The following ACAD10 variants were observed in gnomAD, a reference collection of about 807,000 sequenced individuals.
ACAD10 encodes the protein acyl-CoA dehydrogenase family member 10, also known as ACAD-10.
ACAD10 carries 112 observed loss-of-function variants against 116.8 expected under a neutral mutation model. The observed-to-expected ratio is 0.96, with a 90% CI of 0.82 to 1.12. The LOEUF (loss-of-function observed/expected upper bound fraction) is 1.12, where lower values mean the gene tolerates loss of function less well. Among genes scored for constraint, ACAD10 ranks in the 50% most tolerant of loss-of-function variants. ACAD10 has a pLI of 0.00. For synonymous variants in ACAD10, 486 were observed against 510.6 expected, an observed-to-expected ratio of 0.95 and a Z score of 0.65; for missense variants, 1,259 against 1,350.2, an observed-to-expected ratio of 0.93 and a Z score of 1.06.
chr12:111,756,655 C>A lies in ACAD10; in HGVS notation c.*182C>A, dbSNP rs1367863292. 1 of 1,039,338 alleles carries A rather than the reference C, an allele frequency of 9.6e-7. No individual in the cohort carries two copies. The highest frequency in any genetic ancestry group is 1.4e-6 in the Non-Finnish European group (1 of 695,432). The allele number at this position is 1,039,338 out of a possible 1,614,324, so 64.4% of individuals were successfully genotyped here. ...CCACAGAAGACGTCTCTGCAAGAAG[C>A]CTGGAGTCTGTTTCAGGCCAGGAGG... On this transcript the variant is annotated 3_prime_UTR_variant, in exon 21 of 21. Coordinates refer to ENST00000313698, the MANE Select transcript of ACAD10 (RefSeq NM_025247.6).
intron 9 of ACAD10, among the ~76,000 whole-genome samples, chr12:111,728,817 G>A (rs917943552): frequency 6.6e-6 from 1 of 152,092 alleles, no homozygotes; most frequent in Non-Finnish European, 1.5e-5. Context: ...TCCCTCTTGA[G>A]TAGCTGGGAC....
chr12:111,751,604 G>C (rs1008177539), intron 18 of ACAD10, among the ~76,000 whole-genome samples: 1 of 152,108 alleles, frequency 6.6e-6, no homozygotes, highest in African/African-American at 2.4e-5. Context: ...GGTGGCACAT[G>C]CCTGTAATCC....
At chr12:111,737,135 A>G (rs1441555777) in intron 12 of ACAD10, 131 bp downstream of exon 12, 13 of 660,596 alleles carry the variant, frequency 2.0e-5, no homozygotes, top group Non-Finnish European at 2.9e-5. Flanking sequence ...TCTGAGGTTC[A>G]GTTAATCTAA....
chr12:111,697,423 T>C (rs1888219764), intron 2 of ACAD10, among the ~76,000 whole-genome samples: 1 of 148,990 alleles, frequency 6.7e-6, no homozygotes, highest in African/African-American at 2.5e-5. Context: ...TGCAGTGGCG[T>C]GATCTTGGCT....
intron 7 of ACAD10, 36 bp downstream of exon 7, chr12:111,715,998 A>G (rs1371377252): frequency 3.1e-6 from 5 of 1,613,120 alleles, no homozygotes; most frequent in Non-Finnish European, 4.2e-6. Flanking sequence ...CTTGCCCACT[A>G]GCCTCCACTG....
chr12:111,738,874 A>C (rs1393716023), intron 12 of ACAD10, among the ~76,000 whole-genome samples: 2 of 152,058 alleles, frequency 1.3e-5, no homozygotes, highest in African/African-American at 2.4e-5. Flanking sequence ...CTGTCCCCCC[A>C]AAAATAAAAA....
chr12:111,692,085 C>G (rs1006143909), intron 1 of ACAD10, among the ~76,000 whole-genome samples: 66 of 152,198 alleles, frequency 4.3e-4, no homozygotes, highest in African/African-American at 1.5e-3. Context: ...TCTCCTGCCT[C>G]AGCCTCCTGA....
At chr12:111,725,100 CATTT>C (rs1889175062) in intron 8 of ACAD10, among the ~76,000 whole-genome samples, 2 of 152,266 alleles carry the variant, frequency 1.3e-5, no homozygotes, top group South Asian at 4.1e-4. Context: ...CATTTTGCCA[CATTT>C]ATTTTCTGTA....
intron 1 of ACAD10, among the ~76,000 whole-genome samples, chr12:111,692,262 C>T (rs1450324638): frequency 6.6e-6 from 1 of 152,186 alleles, no homozygotes; most frequent in African/African-American, 2.4e-5. Flanking sequence ...GCCACCACAC[C>T]TGGCCCAGAT....
chr12:111,725,267 G>A (rs912114244), intron 8 of ACAD10, among the ~76,000 whole-genome samples: 19 of 152,242 alleles, frequency 1.2e-4, no homozygotes, highest in Middle Eastern at 6.8e-3. Context: ...CAGCACTTAA[G>A]GAGGCTGAGG....
In ACAD10 at chr12:111,712,653, C is replaced by G; in HGVS notation, c.846C>G (p.Thr282=). 6.2e-7 allele frequency: 1 copy of G among 1,613,876 alleles called. No homozygotes were observed. Among genetic ancestry groups the G allele is most frequent in the Non-Finnish European group, 8.5e-7 (1 of 1,179,928 alleles). ...TCAAAGACTTACTGGGTATCCAGAC[C>G]ACAGGTATGTGGGCTTCTTTCATGT... ...KYLKDLLGIQ[T]TGPLELLQFD... Residue 282 remains threonine, a synonymous_variant, in exon 6 of 21, where the codon ACC becomes ACG. Coordinates refer to ENST00000313698, the MANE Select transcript of ACAD10 (RefSeq NM_025247.6).
rs367626211 is a variant in ACAD10 at position 111,755,850 on chromosome 12, G to C, written c.3039+105G>C. The C allele has an allele frequency of 5.7e-5, 65 of 1,147,952 alleles. No homozygotes were observed. In the South Asian group the frequency reaches 7.0e-4, roughly 12 times the overall value. The allele number at this position is 1,147,952 out of a possible 1,614,324, so 71.1% of individuals were successfully genotyped here. On this transcript the variant is annotated intron_variant, in intron 20 of 20. Transcript: ENST00000313698. ...TCCCATAGACCCTGGCAGATGCCCTGTGTCACCCACTCACCATGCATGCAA... is the reference window on the plus strand; with the variant it reads ...TCCCATAGACCCTGGCAGATGCCCTCTGTCACCCACTCACCATGCATGCAA...
chr12:111,747,130 C>T lies in ACAD10; in HGVS notation c.2338C>T (p.Leu780=). The T allele has an allele frequency of 6.2e-7, 1 of 1,613,436 alleles. No individual in the cohort carries two copies. The highest frequency in any genetic ancestry group is 8.5e-7 in the Non-Finnish European group (1 of 1,179,522). ...YGTEAQKARW[L]IPLLEGKARS... is the part of the protein sequence containing the mutation. ...CACCGAAGCGCAGAAGGCTCGCTGG[C>T]TGATTCCTCTGCTGGAGGGGAAAGC... The change falls in exon 15 of 21, where the codon CTG becomes TTG. Residue 780 remains leucine (L), a synonymous_variant. Transcript: ENST00000313698.
intron 3 of ACAD10, among the ~76,000 whole-genome samples, chr12:111,704,448 C>G (rs1266033530): frequency 6.6e-6 from 1 of 151,176 alleles, no homozygotes; most frequent in Admixed American, 6.6e-5. Context: ...CTGGTTTGCT[C>G]TTTAGAGTAA....
intron 2 of ACAD10, among the ~76,000 whole-genome samples, chr12:111,694,382 T>G (rs1271889575): frequency 2.0e-5 from 3 of 152,134 alleles, no homozygotes; most frequent in African/African-American, 7.2e-5. Context: ...TGCAGATAGC[T>G]GAATCTGTTC....
chr12:111,730,908 T>A (rs1355429065), intron 10 of ACAD10, among the ~76,000 whole-genome samples: 2 of 152,048 alleles, frequency 1.3e-5, no homozygotes, highest in Admixed American at 1.3e-4. Flanking sequence ...TGCACCACCA[T>A]GTGTGGCTAA....
chr12:111,720,794 T>TG (rs1888993858), intron 7 of ACAD10, among the ~76,000 whole-genome samples: 1 of 150,928 alleles, frequency 6.6e-6, no homozygotes, highest in African/African-American at 2.4e-5. Flanking sequence ...TTTATTTTAT[T>TG]TTTTTTTGAG....
chr12:111,750,241 G>A (rs759315938), intron 18 of ACAD10, among the ~76,000 whole-genome samples: 22 of 151,034 alleles, frequency 1.5e-4, no homozygotes, highest in South Asian at 1.1e-3. Context: ...ACAGGCACCC[G>A]CCACCATGCC....
Position 111,755,705 on chromosome 12 carries a change from C to G in ACAD10, c.2999C>G (p.Ala1000Gly), listed in dbSNP as rs867008437. The G allele has an allele frequency of 2.5e-6, 4 of 1,613,744 alleles. No individual in the cohort carries two copies. In the African/African-American group the frequency reaches 5.3e-5, roughly 22 times the overall value. The change falls in exon 20 of 21, where the codon GCC (alanine) becomes GGC (glycine). Residue 1000 changes from alanine to glycine, a missense_variant. Coordinates refer to ENST00000313698, the MANE Select transcript of ACAD10 (RefSeq NM_025247.6). ...ALDIAMIKMVAPSMASRVIDR... is the reference protein window; with the variant it reads ...ALDIAMIKMVGPSMASRVIDR... The stretch of plus-strand genomic sequence containing the variant: ...GATATAGCCATGATTAAAATGGTCG[C>G]CCCGTCCATGGCCTCCCGAGTGATT...
Sources: allele counts gnomAD v4.1 joint callset (sites outside exome capture counted in the v4.1 genomes callset), GRCh38; gene constraint gnomAD v4.1.1; transcripts MANE v1.5; gene names NCBI Gene and HGNC (gene_info 2026-07-23, HGNC 2026-07-21).